Variants in ADGRL3 observed in about 807,000 individuals in gnomAD.
ADGRL3 encodes the protein calcium-independent alpha-latrotoxin receptor 3.
In ADGRL3, 62 loss-of-function variants were observed where a neutral mutation model predicts 153.5. The observed-to-expected ratio is 0.40, with a 90% CI of 0.33 to 0.50. ADGRL3 has a LOEUF of 0.50. Ranked by LOEUF, ADGRL3 falls within the 20% of genes least tolerant of loss-of-function variation. The pLI is 0.47. For missense variants in ADGRL3, 1,641 were observed against 1,859.4 expected, an observed-to-expected ratio of 0.88 and a Z score of 2.16; for synonymous variants, 710 against 672.5, an observed-to-expected ratio of 1.06 and a Z score of -0.86.
intron 5 of ADGRL3, among the ~76,000 whole-genome samples, chr4:61,661,360 A>G (rs2094588218): frequency 6.6e-6 from 1 of 152,086 alleles, no homozygotes; most frequent in Non-Finnish European, 1.5e-5. Context: ...TGACTTTTTC[A>G]ATCAAAAACT....
intron 9 of ADGRL3, among the ~76,000 whole-genome samples, chr4:61,879,844 C>T (rs555624587): frequency 1.3e-5 from 2 of 152,148 alleles, no homozygotes; most frequent in African/African-American, 4.8e-5. Flanking sequence ...CTCAGCCTCT[C>T]GAATAGCTGG....
At chr4:61,407,815 C>T (rs1319977290) in intron 2 of ADGRL3, among the ~76,000 whole-genome samples, 1 of 152,138 alleles carries the variant, frequency 6.6e-6, no homozygotes, top group African/African-American at 2.4e-5. Flanking sequence ...TGTATGTACT[C>T]TCTAAATGAA....
At chr4:61,486,754 C>T (rs749949778) in intron 2 of ADGRL3, among the ~76,000 whole-genome samples, 1 of 151,928 alleles carries the variant, frequency 6.6e-6, no homozygotes, top group Non-Finnish European at 1.5e-5. Flanking sequence ...TTGGGAAAAC[C>T]TTTCTTTTTT....
At position 61,662,243 on chromosome 4, in the gene ADGRL3, G is replaced by A. The variant is rs191618862; in HGVS notation, c.474-14583G>A. 1.0e-3 allele frequency among the ~76,000 whole-genome samples: 152 copies of A among 152,332 alleles called. 2 individuals are homozygous for A. Among genetic ancestry groups the A allele is most frequent in the Middle Eastern group, 6.8e-3 (2 of 294 alleles). On this transcript the variant is annotated intron_variant, in intron 5 of 26. Transcript: ENST00000683033. Reference sequence around the variant, plus strand: ...CCTGTGTTCCTGAGGGCCGGGCGCAGGAGGAGCCCTACCCTCCCAGGCACA... The same window carrying A: ...CCTGTGTTCCTGAGGGCCGGGCGCAAGAGGAGCCCTACCCTCCCAGGCACA...
chr4:61,359,722 G>C (rs1578423055), intron 1 of ADGRL3, among the ~76,000 whole-genome samples: 1 of 151,938 alleles, frequency 6.6e-6, no homozygotes. Context: ...TATTTTATTT[G>C]TTTGTCATGT....
At chr4:61,597,232 A>C (rs1015193357) in intron 5 of ADGRL3, among the ~76,000 whole-genome samples, 1 of 152,148 alleles carries the variant, frequency 6.6e-6, no homozygotes, top group Non-Finnish European at 1.5e-5. Context: ...AAAGAATATA[A>C]GTCTACAGGA....
At chr4:61,305,004 A>G (rs1167723221) in intron 1 of ADGRL3, among the ~76,000 whole-genome samples, 1 of 152,230 alleles carries the variant, frequency 6.6e-6, no homozygotes, top group Non-Finnish European at 1.5e-5. Context: ...TAAAGAAAGC[A>G]GAGTCCTGGC....
intron 24 of ADGRL3, among the ~76,000 whole-genome samples, chr4:62,039,762 T>G (rs1025004236): frequency 4.6e-5 from 7 of 152,156 alleles, no homozygotes; most frequent in African/African-American, 1.7e-4. Flanking sequence ...GCTCTTCCTC[T>G]TTTTGTAATA....
intron 9 of ADGRL3, among the ~76,000 whole-genome samples, chr4:61,867,514 G>GTA (rs2098408070): frequency 6.6e-5 from 1 of 15,224 alleles, no homozygotes; most frequent in Non-Finnish European, 1.9e-4. Flanking sequence ...AAATATATAT[G>GTA]CATATATATA....
intron 2 of ADGRL3, among the ~76,000 whole-genome samples, chr4:61,388,864 C>A (rs150195326): frequency 8.5e-4 from 129 of 152,280 alleles, no homozygotes; most frequent in Middle Eastern, 6.8e-3. Context: ...CTTCTCATGG[C>A]AGCCTTCCCT....
intron 4 of ADGRL3, among the ~76,000 whole-genome samples, chr4:61,556,488 C>A (rs1321531254): frequency 1.3e-5 from 2 of 151,914 alleles, no homozygotes; most frequent in Non-Finnish European, 2.9e-5. Flanking sequence ...TTTGGACCTG[C>A]AGAAAATGAG....
chr4:61,387,484 G>A (rs191760632), intron 2 of ADGRL3, among the ~76,000 whole-genome samples: 141 of 152,066 alleles, frequency 9.3e-4, no homozygotes, highest in African/African-American at 3.2e-3. Context: ...CTGCAGCCTC[G>A]ACCATAAGAG....
chr4:61,543,486 C>T (rs942826333), intron 4 of ADGRL3, among the ~76,000 whole-genome samples: 8 of 152,034 alleles, frequency 5.3e-5, no homozygotes, highest in African/African-American at 7.2e-5. Context: ...GATTTTAGCC[C>T]GGAGAGAAGC....
intron 1 of ADGRL3, among the ~76,000 whole-genome samples, chr4:61,306,124 G>A (rs1385375020): frequency 6.6e-6 from 1 of 151,670 alleles, no homozygotes; most frequent in African/African-American, 2.4e-5. Flanking sequence ...TTGAGACAGA[G>A]TCTTGCTCTG....
At chr4:61,465,795 A>G (rs1405773319) in intron 2 of ADGRL3, among the ~76,000 whole-genome samples, 2 of 110,316 alleles carry the variant, frequency 1.8e-5, no homozygotes, top group African/African-American at 5.9e-5. Flanking sequence ...TGGAATATAT[A>G]TTTTCGTTAT....
intron 8 of ADGRL3, among the ~76,000 whole-genome samples, chr4:61,752,535 C>T (rs755682141): frequency 2.0e-5 from 3 of 152,186 alleles, no homozygotes; most frequent in Admixed American, 1.3e-4. Context: ...CTCCTTTCCT[C>T]TGGGTATTTG....
At chr4:61,806,469 A>G (rs1367188024) in intron 8 of ADGRL3, among the ~76,000 whole-genome samples, 1 of 151,884 alleles carries the variant, frequency 6.6e-6, no homozygotes, top group African/African-American at 2.4e-5. Flanking sequence ...AAGTATTTGT[A>G]TGTAATACAT....
intron 21 of ADGRL3, among the ~76,000 whole-genome samples, chr4:62,023,718 A>C (rs1312308489): frequency 1.3e-5 from 2 of 152,144 alleles, no homozygotes; most frequent in Non-Finnish European, 2.9e-5. Context: ...CTTTTTTTTA[A>C]CAATAAAGTA....
intron 1 of ADGRL3, among the ~76,000 whole-genome samples, chr4:61,362,841 T>A (rs1255186091): frequency 6.6e-6 from 1 of 152,184 alleles, no homozygotes; most frequent in East Asian, 1.9e-4. Context: ...GATGACTTTT[T>A]CATATAAATA....
Sources: gnomAD v4.1 joint callset for allele counts (sites outside exome capture counted in the v4.1 genomes callset) on GRCh38, gnomAD v4.1.1 for gene constraint, MANE v1.5 for transcripts, NCBI Gene and HGNC (gene_info 2026-07-23, HGNC 2026-07-21) for gene names.